The following FOXP1 variants were observed in gnomAD, a reference collection of about 807,000 sequenced individuals.
FOXP1 encodes forkhead box protein P1.
Under a neutral mutation model 98.2 loss-of-function variants are expected in FOXP1, and 15 were observed. The observed-to-expected ratio is 0.15, with a 90% CI of 0.10 to 0.24. The LOEUF (loss-of-function observed/expected upper bound fraction) is 0.24, where lower values mean the gene tolerates loss of function less well. FOXP1 is among the 10% of genes least tolerant of loss of function. The pLI, the probability that FOXP1 is intolerant of heterozygous loss-of-function variation, is 1.00. For synonymous variants in FOXP1, 371 were observed against 314.5 expected (o/e 1.18, Z -1.90); for missense variants, 633 against 848.5 (o/e 0.75, Z 3.15).
chr3:71,503,303 A>G (rs2041544011), intron 2 of FOXP1, among the ~76,000 whole-genome samples: 1 of 152,182 alleles, frequency 6.6e-6, no homozygotes, highest in African/African-American at 2.4e-5. Context: ...CAAATTACTT[A>G]AAGGAATAAA....
rs141676068 is a variant in FOXP1, at chr3:71,447,338, TACAA to T, written c.-168+46084_-168+46087del. 3.0e-3 allele frequency among the ~76,000 whole-genome samples: 452 copies of T among 152,316 alleles called. 2 individuals are homozygous for T. Among genetic ancestry groups the T allele is most frequent in the African/African-American group, 0.011 (439 of 41,552 alleles). On this transcript the variant is annotated intron_variant, in intron 3 of 20. Coordinates refer to ENST00000649528, the MANE Select transcript of FOXP1 (RefSeq NM_001349338.3). ...AGTTTATGAGGCACCCCAACGAGCT[TACAA>T]ACAGTCACATCCACTTAGATGAATG...
At chr3:71,074,554 G>A (rs2107464703) in intron 7 of FOXP1, among the ~76,000 whole-genome samples, 1 of 152,216 alleles carries the variant, frequency 6.6e-6, no homozygotes, top group Non-Finnish European at 1.5e-5. Flanking sequence ...TCAGTATCTT[G>A]AAGCCGGTCA....
intron 5 of FOXP1, among the ~76,000 whole-genome samples, chr3:71,217,768 T>C (rs891708155): frequency 3.3e-5 from 5 of 152,156 alleles, no homozygotes; most frequent in African/African-American, 1.2e-4. Context: ...GTACTCAGGA[T>C]GGGGCCAAAG....
chr3:71,130,124 T>A (rs892775590), intron 6 of FOXP1, among the ~76,000 whole-genome samples: 1 of 152,162 alleles, frequency 6.6e-6, no homozygotes, highest in Non-Finnish European at 1.5e-5. Flanking sequence ...CCACATTCTC[T>A]TACTACTTGT....
chr3:71,434,843 C>G (rs1016084081), intron 3 of FOXP1, among the ~76,000 whole-genome samples: 22 of 152,030 alleles, frequency 1.4e-4, no homozygotes, highest in Non-Finnish European at 3.1e-4. Context: ...TACACACATG[C>G]CTGCACACAC....
chr3:71,284,850 A>G (rs1368561842), intron 5 of FOXP1, among the ~76,000 whole-genome samples: 1 of 152,152 alleles, frequency 6.6e-6, no homozygotes, highest in East Asian at 1.9e-4. Flanking sequence ...AAAAAAGAGT[A>G]GAAGGAAATA....
intron 2 of FOXP1, among the ~76,000 whole-genome samples, chr3:71,508,017 G>T (rs900904105): frequency 3.9e-5 from 6 of 152,216 alleles, no homozygotes; most frequent in African/African-American, 1.4e-4. Context: ...TGGAGACACA[G>T]GGAAATAAAA....
chr3:71,177,905 G>A (rs1321623323), intron 6 of FOXP1, among the ~76,000 whole-genome samples: 15 of 141,090 alleles, frequency 1.1e-4, no homozygotes, highest in African/African-American at 3.5e-4. Flanking sequence ...GCAGTGGTGC[G>A]ATCATGGTTC....
chr3:71,100,417 G>A (rs1559928103), intron 7 of FOXP1, among the ~76,000 whole-genome samples: 1 of 152,124 alleles, frequency 6.6e-6, no homozygotes. Flanking sequence ...CTGACAAAGC[G>A]GCTCTCCCAT....
intron 3 of FOXP1, among the ~76,000 whole-genome samples, chr3:71,411,942 A>T (rs2082783455): frequency 6.6e-6 from 1 of 152,252 alleles, no homozygotes; most frequent in Non-Finnish European, 1.5e-5. Flanking sequence ...AACTTACATT[A>T]CAAATCCCAA....
At chr3:71,542,530 G>A (rs1163439256) in intron 2 of FOXP1, among the ~76,000 whole-genome samples, 4 of 152,202 alleles carry the variant, frequency 2.6e-5, no homozygotes, top group East Asian at 1.9e-4. Flanking sequence ...GTGCATTCCC[G>A]AAAATGATTT....
At chr3:71,379,914 T>C (rs896745130) in intron 3 of FOXP1, among the ~76,000 whole-genome samples, 1 of 152,240 alleles carries the variant, frequency 6.6e-6, no homozygotes, top group Non-Finnish European at 1.5e-5. Context: ...TGGCAACTGA[T>C]ACTATTTCTT....
intron 11 of FOXP1, among the ~76,000 whole-genome samples, chr3:71,029,250 T>G (rs1420905481): frequency 6.6e-6 from 1 of 152,224 alleles, no homozygotes; most frequent in African/African-American, 2.4e-5. Context: ...TATGCCAGGC[T>G]GGCTTGTGCT....
At chr3:71,494,869 T>C (rs2091298267) in intron 2 of FOXP1, among the ~76,000 whole-genome samples, 1 of 148,356 alleles carries the variant, frequency 6.7e-6, no homozygotes, top group African/African-American at 2.5e-5. Flanking sequence ...AAGAAGTACT[T>C]CCAAGGCTCA....
chr3:71,435,128 G>T (rs929302583), intron 3 of FOXP1, among the ~76,000 whole-genome samples: 19 of 147,716 alleles, frequency 1.3e-4, no homozygotes, highest in African/African-American at 4.8e-4. Context: ...AAAAGGGAAG[G>T]TGGACGTTGA....
At chr3:71,071,947 A>C (rs915418911) in intron 7 of FOXP1, among the ~76,000 whole-genome samples, 1 of 152,180 alleles carries the variant, frequency 6.6e-6, no homozygotes, top group Non-Finnish European at 1.5e-5. Flanking sequence ...TACACCTATC[A>C]TGTACCAAGT....
In FOXP1 at chr3:71,201,404, G is replaced by C. The variant is rs2063664265; in HGVS notation, c.-11-3012C>G. On this transcript the variant is annotated intron_variant, in intron 5 of 20. Transcript: ENST00000649528. ...CTCATGCCTGTAATCCCAGCACTTT[G>C]GGAGGCCAAGGCAGGCAGATCACTT... is the stretch of plus-strand genomic sequence containing the variant. Among the ~76,000 whole-genome samples the C allele has an allele frequency of 4.6e-5, 7 of 152,330 alleles. No individual in the cohort carries two copies. In the South Asian group the frequency reaches 1.4e-3, roughly 32 times the overall value.
rs1470131162 is a variant in FOXP1 at position 71,453,302 on chromosome 3, C to A, written c.-168+40124G>T. The stretch of plus-strand genomic sequence containing the variant: ...CACCAAGAATAAAGCAAGATCCCTT[C>A]CCCAAACTCCATCCTACCAATGTCA... On this transcript the variant is annotated intron_variant, in intron 3 of 20. Transcript: ENST00000649528. Among the ~76,000 whole-genome samples, 3 of 152,164 alleles carry A rather than the reference C, an allele frequency of 2.0e-5. No homozygotes were observed. In the East Asian group the frequency reaches 5.8e-4, roughly 29 times the overall value.
chr3:71,183,984 C>A (rs532844926), intron 6 of FOXP1, among the ~76,000 whole-genome samples: 1 of 152,086 alleles, frequency 6.6e-6, no homozygotes, highest in Non-Finnish European at 1.5e-5. Flanking sequence ...GAAACCCTGT[C>A]TCTACTAAAA....
Sources: allele counts gnomAD v4.1 joint callset (sites outside exome capture counted in the v4.1 genomes callset), GRCh38; gene constraint gnomAD v4.1.1; transcripts MANE v1.5; gene names NCBI Gene and HGNC (gene_info 2026-07-23, HGNC 2026-07-21).